The following FUT8 variants were observed in gnomAD, a reference collection of about 807,000 sequenced individuals.
FUT8 encodes fucosyltransferase 8.
FUT8 carries 29 observed loss-of-function variants against 71.3 expected under a neutral mutation model. The ratio of observed to expected loss-of-function variants is 0.41; its 90% CI spans 0.30 to 0.55. The LOEUF (loss-of-function observed/expected upper bound fraction) is 0.55. Ranked by LOEUF, FUT8 falls within the 20% of genes least tolerant of loss-of-function variation. The probability of loss-of-function intolerance (pLI) is 0.34; values close to 1 mark genes in which losing one functional copy is unlikely to be tolerated. For synonymous variants in FUT8, 254 were observed against 239.3 expected (o/e 1.06, Z -0.57); for missense variants, 544 against 702.1 (o/e 0.77, Z 2.55).
At chr14:65,709,450 A>G (rs772237748) in intron 7 of FUT8, among the ~76,000 whole-genome samples, 58 of 152,272 alleles carry the variant, frequency 3.8e-4, no homozygotes, top group Middle Eastern at 3.4e-3. Flanking sequence ...TCCTTTTTCA[A>G]TCTTTCTGAT....
rs1671549818 is a variant in FUT8, at chr14:65,598,930, AC to A, written c.204-17047del. The stretch of plus-strand genomic sequence containing the variant: ...CTCACCCTCCTCAGTAGCTGGGACT[AC>A]AGGCATGCACCACCACGCCTGGCTA... On this transcript the variant is annotated intron_variant, in intron 3 of 10. Transcript: ENST00000673929. Among the ~76,000 whole-genome samples the A allele has an allele frequency of 2.0e-5, 3 of 152,030 alleles. No homozygotes were observed. The South Asian group carries it at 6.2e-4, about 32-fold the overall frequency.
At chr14:65,475,561 A>C (rs764796382) in intron 2 of FUT8, among the ~76,000 whole-genome samples, 4 of 152,100 alleles carry the variant, frequency 2.6e-5, no homozygotes, top group African/African-American at 4.8e-5. Context: ...CAACATAGTG[A>C]GACCCTGTCT....
At position 65,669,410 on chromosome 14, in the gene FUT8, G is replaced by A; in HGVS notation, c.765G>A (p.Trp255Ter). The A allele has an allele frequency of 6.2e-7, 1 of 1,613,742 alleles. No homozygotes were observed. Among genetic ancestry groups the A allele is most frequent in the Non-Finnish European group, 8.5e-7 (1 of 1,179,818 alleles). ...ATTGGCGCTATGCTACTGGTGGATG[G>A]GAGACTGTATTTAGGCCTGTAAGTG... is the stretch of plus-strand genomic sequence containing the variant. ...SQNWRYATGG[W>*]ETVFRPVSET... The change falls in exon 7 of 11, where the codon TGG becomes TGA. Residue 255 changes from tryptophan to a stop codon, truncating the protein, a stop_gained. Transcript: ENST00000673929. LOFTEE classifies it high-confidence loss of function. The surrounding 1 kb of genome is among the most constrained non-coding windows in gnomAD (Gnocchi z 4.5).
At position 65,496,611 on chromosome 14, in the gene FUT8, T is replaced by C. The variant is rs987988905; in HGVS notation, c.-228+40893T>C. ...ACTCGCTCTCTCTTGCCTGCCGCCA[T>C]GTAAGACATGCCTCTTCCCCTTCTG... On this transcript the variant is annotated intron_variant, in intron 2 of 10. Coordinates refer to ENST00000673929, the MANE Select transcript of FUT8 (RefSeq NM_001371533.1). 8.5e-5 allele frequency among the ~76,000 whole-genome samples: 13 copies of C among 152,288 alleles called. 1 individual carries two copies. The East Asian group carries it at 2.5e-3, about 29-fold the overall frequency.
rs1250376274 is a variant in FUT8 at position 65,489,275 on chromosome 14, C to T, written c.-228+33557C>T. ...TTACTTTGTTCCCTAACCTCATTCT[C>T]CTCCACCTGTAACAATGGTGAATAT... On this transcript the variant is annotated intron_variant, in intron 2 of 10. Transcript: ENST00000673929. The surrounding 1 kb of genome is among the most constrained non-coding windows in gnomAD (Gnocchi z 4.0). Among the ~76,000 whole-genome samples the T allele has an allele frequency of 3.3e-5, 5 of 152,148 alleles. No homozygotes were observed. The highest frequency in any genetic ancestry group is 4.1e-4 in the South Asian group (2 of 4,828).
In FUT8 at chr14:65,629,603, T is replaced by C. The variant is rs376761966; in HGVS notation, c.594T>C (p.Leu198=). Residue 198 remains leucine, a synonymous_variant, in exon 6 of 11, where the codon CTT becomes CTC. Coordinates refer to ENST00000673929, the MANE Select transcript of FUT8 (RefSeq NM_001371533.1). ...TGGTTCAGCGGAGAATAACATATCT[T>C]CAGGTAAGAAGGTTGGGTTAAGAAT... is the stretch of plus-strand genomic sequence containing the variant. The part of the protein sequence containing the change: ...TELVQRRITY[L]QNPKDCSKAK... The C allele has an allele frequency of 1.0e-5, 16 of 1,605,428 alleles. No homozygotes were observed. Among genetic ancestry groups the C allele is most frequent in the East Asian group, 2.2e-5 (1 of 44,846 alleles).
the FUT8 span, among the ~76,000 whole-genome samples, chr14:65,392,326 C>G: frequency 1.3e-5 from 2 of 152,202 alleles, no homozygotes; most frequent in African/African-American, 2.4e-5. Flanking sequence ...GTGTCTGATA[C>G]CCCTCAGGTA....
chr14:65,675,643 T>A (rs1255123295), intron 7 of FUT8, among the ~76,000 whole-genome samples: 1 of 152,168 alleles, frequency 6.6e-6, no homozygotes, highest in Non-Finnish European at 1.5e-5. Context: ...TCTAGGTTAT[T>A]TACCTTCTAG....
Position 65,444,202 on chromosome 14 carries a change from T to C in FUT8, c.-325-11419T>C, listed in dbSNP as rs532109285. On this transcript the variant is annotated intron_variant, in intron 1 of 10. Coordinates refer to ENST00000673929, the MANE Select transcript of FUT8 (RefSeq NM_001371533.1). The stretch of plus-strand genomic sequence containing the variant: ...TATTTCTTTTAAAAAACTGAGTACA[T>C]AAACCTATTTATCCAGTAGGAAATG... Among the ~76,000 whole-genome samples the C allele has an allele frequency of 2.6e-5, 4 of 152,282 alleles. No homozygotes were observed. In the South Asian group the frequency reaches 8.3e-4, roughly 32 times the overall value.
At chr14:65,459,920 C>G (rs1301357967) in intron 2 of FUT8, among the ~76,000 whole-genome samples, 1 of 151,986 alleles carries the variant, frequency 6.6e-6, no homozygotes, top group Non-Finnish European at 1.5e-5. Flanking sequence ...AGATACTTTT[C>G]TAGAAATGGA....
chr14:65,578,070 TTGTA>T (rs1249128793), intron 3 of FUT8, among the ~76,000 whole-genome samples: 1 of 152,066 alleles, frequency 6.6e-6, no homozygotes, highest in Non-Finnish European at 1.5e-5. Flanking sequence ...AATTTAAACT[TTGTA>T]TTTGAATTTT....
At chr14:65,546,706 A>G (rs560585269) in intron 2 of FUT8, among the ~76,000 whole-genome samples, 4 of 151,986 alleles carry the variant, frequency 2.6e-5, no homozygotes, top group South Asian at 4.1e-4. Flanking sequence ...TTGTTGAGGT[A>G]TACGGTAAGT....
chr14:65,671,244 A>C (rs747488151), intron 7 of FUT8, among the ~76,000 whole-genome samples: 1 of 152,148 alleles, frequency 6.6e-6, no homozygotes, highest in Non-Finnish European at 1.5e-5. Flanking sequence ...TATCAGGTTT[A>C]ATATATAGTT....
intron 7 of FUT8, among the ~76,000 whole-genome samples, chr14:65,696,049 T>C (rs1376057643): frequency 6.6e-6 from 1 of 152,098 alleles, no homozygotes; most frequent in Non-Finnish European, 1.5e-5. Flanking sequence ...CTCTCTCCCA[T>C]CCCGTAAAGC....
chr14:65,614,014 C>T lies in FUT8; in HGVS notation c.204-1964C>T, dbSNP rs184412867. ...CCGTAATCCCATCTGCTCAGGAGGC[C>T]GAGGCACGAGAATCATTTGAATCTG... On this transcript the variant is annotated intron_variant, in intron 3 of 10. Coordinates refer to ENST00000673929, the MANE Select transcript of FUT8 (RefSeq NM_001371533.1). 5.3e-5 allele frequency among the ~76,000 whole-genome samples: 8 copies of T among 150,664 alleles called. No homozygotes were observed. In the East Asian group the frequency reaches 9.8e-4, roughly 18 times the overall value.
At chr14:65,406,819 T>TGA (rs1190582619), upstream of FUT8, among the ~76,000 whole-genome samples, 1 of 152,218 alleles carries the variant, frequency 6.6e-6, no homozygotes, top group Non-Finnish European at 1.5e-5. Flanking sequence ...ATTATAGGTG[T>TGA]GAGCCACAGC....
chr14:65,368,277 C>A, the FUT8 span, among the ~76,000 whole-genome samples: 2 of 123,432 alleles, frequency 1.6e-5, no homozygotes, highest in East Asian at 6.6e-4. Flanking sequence ...ATGGTCTTGA[C>A]CTCCTGACCT....
the FUT8 span, among the ~76,000 whole-genome samples, chr14:65,368,513 TG>T: frequency 1.5e-5 from 2 of 130,590 alleles, no homozygotes; most frequent in African/African-American, 5.4e-5. Flanking sequence ...GCTATTTTTT[TG>T]TTGTTGTTGT....
intron 3 of FUT8, among the ~76,000 whole-genome samples, chr14:65,569,716 T>G (rs1886378129): frequency 6.6e-6 from 1 of 151,972 alleles, no homozygotes; most frequent in African/African-American, 2.4e-5. Flanking sequence ...ATATTTATTT[T>G]GATTGTTAGT....
Sources: gnomAD v4.1 joint callset for allele counts (sites outside exome capture counted in the v4.1 genomes callset) on GRCh38, gnomAD v4.1.1 for gene constraint, Gnocchi (gnomAD v3.1) non-coding constraint, MANE v1.5 for transcripts, NCBI Gene and HGNC (gene_info 2026-07-23, HGNC 2026-07-21) for gene names.